Variants in ARHGAP23 observed in about 807,000 individuals in gnomAD.
ARHGAP23 encodes the protein Rho GTPase activating protein 23.
In ARHGAP23, 34 loss-of-function variants were observed where a neutral mutation model predicts 136.3. The ratio of observed to expected loss-of-function variants is 0.25; its 90% CI spans 0.19 to 0.33. ARHGAP23 has a LOEUF of 0.33. ARHGAP23 is among the 10% of genes least tolerant of loss of function. The pLI, the probability that ARHGAP23 is intolerant of heterozygous loss-of-function variation, is 1.00. For missense variants in ARHGAP23, 1,808 were observed against 2,139.0 expected (o/e 0.85, Z 3.05); for synonymous variants, 832 against 920.5 (o/e 0.90, Z 1.74).
rs112063797 is a variant in ARHGAP23, at chr17:38,454,785, G to T, written c.64-3317G>T. ...CTGCAATGACCTCTTTATGCTCCCG[G>T]GGGGAGGAGCAGGGCTCCTGGGTTC... On this transcript the variant is annotated intron_variant, in intron 1 of 23. Coordinates refer to ENST00000622683, the MANE Select transcript of ARHGAP23 (RefSeq NM_001199417.2). 1.6e-3 allele frequency among the ~76,000 whole-genome samples: 248 copies of T among 152,320 alleles called. 2 individuals carry two copies. The highest frequency in any genetic ancestry group is 5.4e-3 in the African/African-American group (225 of 41,568).
chr17:38,495,740 C>T (rs903698062), intron 20 of ARHGAP23, among the ~76,000 whole-genome samples: 3 of 152,100 alleles, frequency 2.0e-5, no homozygotes, highest in Admixed American at 1.3e-4. Flanking sequence ...AATATGTGTC[C>T]TTCCAGGACA....
At chr17:38,505,510 C>G (rs1425853888) in intron 23 of ARHGAP23, among the ~76,000 whole-genome samples, 2 of 152,168 alleles carry the variant, frequency 1.3e-5, no homozygotes, top group Admixed American at 6.5e-5. Context: ...TCCTTGACCC[C>G]AACCCTTGCC....
At chr17:38,483,129 C>G (rs1410308048) in intron 16 of ARHGAP23, among the ~76,000 whole-genome samples, 7 of 152,196 alleles carry the variant, frequency 4.6e-5, no homozygotes, top group Non-Finnish European at 1.0e-4. Flanking sequence ...TGCGTTCCCC[C>G]CTTCTCTTCC....
intron 20 of ARHGAP23, among the ~76,000 whole-genome samples, chr17:38,494,872 C>G (rs952390498): frequency 1.3e-5 from 2 of 152,138 alleles, no homozygotes; most frequent in Non-Finnish European, 2.9e-5. Context: ...TCTTGAGAGC[C>G]GTGGCCACCC....
chr17:38,480,043 TA>T (rs758900861), intron 14 of ARHGAP23, among the ~76,000 whole-genome samples, 160 bp downstream of exon 14: 10 of 152,076 alleles, frequency 6.6e-5, no homozygotes, highest in Non-Finnish European at 1.5e-4. Flanking sequence ...TGTGAGGGTC[TA>T]GGGGCTCTCA....
chr17:38,471,313 G>A (rs558990035), intron 10 of ARHGAP23, among the ~76,000 whole-genome samples: 18 of 152,322 alleles, frequency 1.2e-4, no homozygotes, highest in African/African-American at 2.2e-4. Flanking sequence ...GATGTCAAGC[G>A]CTCTGTCTCA....
At chr17:38,435,703 A>T (rs1280973788) in intron 1 of ARHGAP23, among the ~76,000 whole-genome samples, 1 of 151,956 alleles carries the variant, frequency 6.6e-6, no homozygotes, top group East Asian at 1.9e-4. Flanking sequence ...GGTTCAAGAG[A>T]TTCTCCTGCC....
At chr17:38,467,603 CCCATCCAT>C (rs568421410) in intron 7 of ARHGAP23, among the ~76,000 whole-genome samples, 3 of 151,920 alleles carry the variant, frequency 2.0e-5, no homozygotes, top group Non-Finnish European at 2.9e-5. Context: ...TTTCCCTCTC[CCCATCCAT>C]CCATCCATCC....
upstream of ARHGAP23, among the ~76,000 whole-genome samples, chr17:38,427,389 T>C (rs1029378349): frequency 6.6e-6 from 1 of 150,802 alleles, no homozygotes; most frequent in Admixed American, 6.6e-5. Flanking sequence ...CACTTGAACC[T>C]GGGGGCAGAG....
At chr17:38,446,012 A>C (rs1404942546) in intron 1 of ARHGAP23, among the ~76,000 whole-genome samples, 7 of 110,548 alleles carry the variant, frequency 6.3e-5, no homozygotes. Flanking sequence ...CATGTGTCAA[A>C]TATCTTTCTT....
chr17:38,498,323 A>T (rs2040438054), intron 21 of ARHGAP23, 91 bp from the exon 22 acceptor site: 1 of 971,434 alleles, frequency 1.0e-6, no homozygotes. Flanking sequence ...GATGGAGGAG[A>T]CATGGGCTCT....
chr17:38,479,957 G>A lies in ARHGAP23; in HGVS notation c.2629+74G>A, dbSNP rs1567812533. 1.7e-5 allele frequency: 26 copies of A among 1,523,254 alleles called. No homozygotes were observed. The South Asian group carries it at 3.2e-4, about 19-fold the overall frequency. The allele number at this position is 1,523,254 out of a possible 1,614,324, so 94.4% of individuals were successfully genotyped here. ...TGGGGAGGGGAGGGCACGCGTGTGT[G>A]TGTTGGGCTGTGTCTGCTCATGTGT... On this transcript the variant is annotated intron_variant, in intron 14 of 23. Transcript: ENST00000622683.
At chr17:38,481,177 C>T (rs1427798667) in intron 14 of ARHGAP23, among the ~76,000 whole-genome samples, 11 of 149,314 alleles carry the variant, frequency 7.4e-5, no homozygotes, top group South Asian at 2.1e-4. Flanking sequence ...GACGGAGTCT[C>T]GCTCTGTTGC....
chr17:38,489,022 C>A (rs1567819149), intron 17 of ARHGAP23, among the ~76,000 whole-genome samples: 1 of 151,912 alleles, frequency 6.6e-6, no homozygotes. Flanking sequence ...ATTACAGGCG[C>A]CTACCACCAT....
At chr17:38,471,613 G>A (rs1262505147) in intron 10 of ARHGAP23, among the ~76,000 whole-genome samples, 1 of 152,218 alleles carries the variant, frequency 6.6e-6, no homozygotes, top group East Asian at 1.9e-4. Context: ...GGCTCCTGTA[G>A]TGTGGTGAGG....
At chr17:38,427,185 A>G (rs914295230), upstream of ARHGAP23, among the ~76,000 whole-genome samples, 4 of 152,246 alleles carry the variant, frequency 2.6e-5, no homozygotes, top group African/African-American at 9.6e-5. Context: ...GGACAAGGCC[A>G]GGCATGGTGG....
At chr17:38,481,313 A>C (rs1183314093) in intron 14 of ARHGAP23, among the ~76,000 whole-genome samples, 2 of 151,868 alleles carry the variant, frequency 1.3e-5, no homozygotes, top group East Asian at 3.9e-4. Flanking sequence ...CGCCTGGCTA[A>C]TTTTTTTGTA....
rs1017766263 is a variant in ARHGAP23, at chr17:38,477,432, C to T, written c.2119-147C>T. 227 of 772,360 alleles carry T rather than the reference C, an allele frequency of 2.9e-4. No individual in the cohort carries two copies. The highest frequency in any genetic ancestry group is 3.7e-4 in the Non-Finnish European group (222 of 599,204). 47.8% of individuals were successfully genotyped at this position (772,360 alleles called of 1,614,324 possible). On this transcript the variant is annotated intron_variant, in intron 11 of 23. Coordinates refer to ENST00000622683, the MANE Select transcript of ARHGAP23 (RefSeq NM_001199417.2). The surrounding 1 kb of genome is among the most constrained non-coding windows in gnomAD (Gnocchi z 6.6). ...TTGGTGGGCTGTGGGCAGGAGGCTG[C>T]CCAGGTCTAGCCGGGTGGAGCAGGG...
intron 1 of ARHGAP23, among the ~76,000 whole-genome samples, chr17:38,432,172 A>G (rs1028385377): frequency 2.0e-5 from 3 of 152,210 alleles, no homozygotes; most frequent in African/African-American, 7.2e-5. Flanking sequence ...GAGAAAAATG[A>G]TAATAGCAAC....
Sources: gnomAD v4.1 joint callset for allele counts (sites outside exome capture counted in the v4.1 genomes callset) on GRCh38, gnomAD v4.1.1 for gene constraint, Gnocchi (gnomAD v3.1) non-coding constraint, MANE v1.5 for transcripts, NCBI Gene and HGNC (gene_info 2026-07-23, HGNC 2026-07-21) for gene names.